The following CREB3L1 variants were observed in gnomAD, a reference collection of about 807,000 sequenced individuals.
CREB3L1 encodes the protein cyclic AMP-responsive element-binding protein 3-like protein 1.
Under a neutral mutation model 54.5 loss-of-function variants are expected in CREB3L1, and 33 were observed. The observed-to-expected ratio is 0.61, with a 90% confidence interval of 0.46 to 0.81. CREB3L1 has a LOEUF of 0.81. Ranked by LOEUF, CREB3L1 falls within the 30% of genes least tolerant of loss-of-function variation. CREB3L1 has a pLI of 0.00. For synonymous variants in CREB3L1, 284 were observed against 286.4 expected (o/e 0.99, Z 0.08); for missense variants, 656 against 673.3 (o/e 0.97, Z 0.29).
intron 3 of CREB3L1, 135 bp downstream of exon 3, chr11:46,308,135 G>GCC: frequency 1.2e-6 from 1 of 825,752 alleles, no homozygotes; most frequent in Non-Finnish European, 1.8e-6. Flanking sequence ...AGGGTGGGAA[G>GCC]CCCCCGCCCA....
Position 46,277,990 on chromosome 11 carries a change from G to GGGGGGCCCCC in CREB3L1, c.-122_-121insGGGGGCCCCC. 2.3e-6 allele frequency: 1 copy of GGGGGGCCCCC among 430,804 alleles called. No individual in the cohort carries two copies. The highest frequency in any genetic ancestry group is 3.9e-6 in the Non-Finnish European group (1 of 259,320). 26.7% of individuals were successfully genotyped at this position (430,804 alleles called of 1,614,324 possible). ...CGCCTCCGTCCGCCCCTCCCCCGGG[G>GGGGGGCCCCC]CTTCGCCCCGGACCTGCCCCCCGCC... On this transcript the variant is annotated 5_prime_UTR_variant, in exon 1 of 12. Coordinates refer to ENST00000621158, the MANE Select transcript of CREB3L1 (RefSeq NM_052854.4).
intron 1 of CREB3L1, among the ~76,000 whole-genome samples, chr11:46,298,772 C>G (rs747923726): frequency 6.6e-6 from 1 of 152,134 alleles, no homozygotes; most frequent in African/African-American, 2.4e-5. Context: ...AAATAATGTA[C>G]AAGAACCTAC....
At chr11:46,319,900 A>G (rs1939621512) in intron 10 of CREB3L1, among the ~76,000 whole-genome samples, 1 of 151,196 alleles carries the variant, frequency 6.6e-6, no homozygotes, top group African/African-American at 2.4e-5. Flanking sequence ...AAAGGGAGAT[A>G]GAGCAAGTAA....
At chr11:46,287,836 C>T (rs992462107) in intron 1 of CREB3L1, among the ~76,000 whole-genome samples, 2 of 151,634 alleles carry the variant, frequency 1.3e-5, no homozygotes, top group African/African-American at 4.8e-5. Flanking sequence ...ATTAGCCGGG[C>T]GTGTTGGTGT....
At chr11:46,316,613 A>G (rs1247121103) in intron 9 of CREB3L1, among the ~76,000 whole-genome samples, 2 of 151,968 alleles carry the variant, frequency 1.3e-5, no homozygotes. Context: ...CACAGTGTAG[A>G]TGTGTAGGTG....
intron 8 of CREB3L1, chr11:46,315,146 C>A: frequency 3.5e-6 from 1 of 287,152 alleles, no homozygotes; most frequent in Non-Finnish European, 7.1e-6. Flanking sequence ...AAGACTTTTT[C>A]CTTCTTTCCT....
At chr11:46,319,289 A>G (rs554780531) in intron 10 of CREB3L1, among the ~76,000 whole-genome samples, 1 of 152,216 alleles carries the variant, frequency 6.6e-6, no homozygotes, top group Non-Finnish European at 1.5e-5. Flanking sequence ...TCATGGCTGC[A>G]GAGCCGGAGG....
At chr11:46,316,446 T>C in intron 9 of CREB3L1, 61 bp downstream of exon 9, 1 of 1,148,864 alleles carries the variant, frequency 8.7e-7, no homozygotes, top group South Asian at 1.3e-5. Context: ...AGGCTGGCTT[T>C]TTCCAGGGTT....
Position 46,316,967 on chromosome 11 carries a change from C to T in CREB3L1, c.1132-394C>T, listed in dbSNP as rs145339102. Among the ~76,000 whole-genome samples the T allele has an allele frequency of 3.6e-3, 555 of 152,280 alleles. 4 individuals are homozygous for T. The highest frequency in any genetic ancestry group is 0.012 in the African/African-American group (517 of 41,554). On this transcript the variant is annotated intron_variant, in intron 9 of 11. Transcript: ENST00000621158. ...GGGCTCCGTGGCTCTCAGCACCTCC[C>T]GCTAGCCAGGCTCCTCAGAATCCTG...
intron 8 of CREB3L1, chr11:46,315,645 A>AAACC (rs1939556456): frequency 5.5e-6 from 1 of 180,600 alleles, no homozygotes; most frequent in African/African-American, 2.4e-5. Flanking sequence ...AAGCCTGGCA[A>AAACC]AACCCCGTCT....
intron 1 of CREB3L1, among the ~76,000 whole-genome samples, chr11:46,284,163 C>G (rs1217665341): frequency 6.6e-6 from 1 of 152,140 alleles, no homozygotes; most frequent in African/African-American, 2.4e-5. Flanking sequence ...CACACTTGAC[C>G]CTCCAGTCAA....
intron 1 of CREB3L1, among the ~76,000 whole-genome samples, chr11:46,285,321 G>A (rs1224469534): frequency 1.3e-5 from 2 of 152,176 alleles, no homozygotes; most frequent in Non-Finnish European, 2.9e-5. Context: ...GCAGGATGGA[G>A]GAGGAATATT....
intron 2 of CREB3L1, among the ~76,000 whole-genome samples, chr11:46,305,507 G>C (rs923760292): frequency 6.6e-6 from 1 of 151,302 alleles, no homozygotes; most frequent in Non-Finnish European, 1.5e-5. Flanking sequence ...ACTTCCTGCA[G>C]TTCTCCCTGC....
intron 4 of CREB3L1, among the ~76,000 whole-genome samples, chr11:46,310,655 C>G (rs1939470894): frequency 6.6e-6 from 1 of 152,036 alleles, no homozygotes; most frequent in Admixed American, 6.6e-5. Context: ...CCCCAGTCAC[C>G]TTCTGGGGTT....
chr11:46,305,375 C>T (rs560726757), intron 2 of CREB3L1, among the ~76,000 whole-genome samples: 3 of 152,190 alleles, frequency 2.0e-5, no homozygotes, highest in African/African-American at 2.4e-5. Flanking sequence ...CTCCACCCGC[C>T]TCATACCCCC....
chr11:46,296,446 G>A (rs1939212269), intron 1 of CREB3L1, among the ~76,000 whole-genome samples: 1 of 152,038 alleles, frequency 6.6e-6, no homozygotes. Flanking sequence ...TCTCTGGACT[G>A]GAGTTTTCTC....
chr11:46,309,784 G>A (rs1939457260), intron 3 of CREB3L1, among the ~76,000 whole-genome samples: 1 of 152,224 alleles, frequency 6.6e-6, no homozygotes, highest in African/African-American at 2.4e-5. Context: ...TGCTTGGCCA[G>A]CAATCCTTTC....
At position 46,278,256 on chromosome 11, in the gene CREB3L1, C is replaced by G. The variant is rs905133656; in HGVS notation, c.102+43C>G. On this transcript the variant is annotated intron_variant, in intron 1 of 11. Transcript: ENST00000621158. This position sits in a 1 kb window ranked among gnomAD's most constrained non-coding sequence, Gnocchi z 4.2. ...CGTTCCCGTTCCACCCCTCGGCACC[C>G]GTCCTCGCGGCGCGCCTGGGCCCCT... 1 of 1,359,412 alleles carries G rather than the reference C, an allele frequency of 7.4e-7. No homozygotes were observed. Among genetic ancestry groups the G allele is most frequent in the Non-Finnish European group, 1.0e-6 (1 of 985,504 alleles). 84.2% of individuals were successfully genotyped at this position (1,359,412 alleles called of 1,614,324 possible).
Position 46,321,390 on chromosome 11 carries a change from A to C in CREB3L1, c.*644A>C. On this transcript the variant is annotated 3_prime_UTR_variant, in exon 12 of 12. Transcript: ENST00000621158. ...TCAGCACATGCTTTAAGAAAGCAAA[A>C]CCAAAAAAAAAAAAAAAAAGATGCA... The C allele has an allele frequency of 1.1e-5, 2 of 187,284 alleles. No individual in the cohort carries two copies. Among genetic ancestry groups the C allele is most frequent in the Non-Finnish European group, 1.1e-5 (1 of 91,282 alleles). 11.6% of individuals were successfully genotyped at this position (187,284 alleles called of 1,614,324 possible). A position where few individuals can be genotyped will look rare whatever the true frequency, so the allele number is the denominator to read the frequency against.
Sources: allele counts gnomAD v4.1 joint callset (sites outside exome capture counted in the v4.1 genomes callset), GRCh38; gene constraint gnomAD v4.1.1; non-coding constraint Gnocchi (gnomAD v3.1); transcripts MANE v1.5; gene names NCBI Gene and HGNC (gene_info 2026-07-23, HGNC 2026-07-21).